EXOC2: variants seen among roughly 807,000 people sequenced by gnomAD.
The protein encoded by EXOC2 is SEC5-like 1.
EXOC2 carries 70 observed loss-of-function variants against 131.8 expected under a neutral mutation model. The ratio of observed to expected loss-of-function variants is 0.53; its 90% CI spans 0.44 to 0.65. The LOEUF (loss-of-function observed/expected upper bound fraction) is 0.65, where lower values mean the gene tolerates loss of function less well. EXOC2 is among the 30% of genes least tolerant of loss of function. EXOC2 has a pLI of 0.00. For missense variants in EXOC2, 923 were observed against 1,108.6 expected, an observed-to-expected ratio of 0.83 and a Z score of 2.38; for synonymous variants, 411 against 398.4, an observed-to-expected ratio of 1.03 and a Z score of -0.38.
chr6:688,744 T>G (rs1764781112), intron 1 of EXOC2, among the ~76,000 whole-genome samples: 1 of 152,164 alleles, frequency 6.6e-6, no homozygotes, highest in Non-Finnish European at 1.5e-5. Flanking sequence ...CCTTGTATAT[T>G]CCCTAATCCC....
rs3799317 is a variant in EXOC2, at chr6:608,219, C to T, written c.742+1879G>A. On this transcript the variant is annotated intron_variant, in intron 7 of 27. Transcript: ENST00000230449. The stretch of plus-strand genomic sequence containing the variant: ...TACTGAAGTCTGATAACTACGAACC[C>T]GCCTGGGCGGGACTCTCTCGGGGCC... 8.5e-5 allele frequency among the ~76,000 whole-genome samples: 13 copies of T among 152,336 alleles called. No homozygotes were observed. In the East Asian group the frequency reaches 2.1e-3, roughly 25 times the overall value.
At chr6:675,424 C>T (rs1197533922) in intron 1 of EXOC2, among the ~76,000 whole-genome samples, 6 of 152,170 alleles carry the variant, frequency 3.9e-5, no homozygotes, top group Admixed American at 6.5e-5. Context: ...AGTGATAGTG[C>T]GCAGACATGC....
chr6:607,840 A>C (rs908729630), intron 7 of EXOC2, among the ~76,000 whole-genome samples: 6 of 152,256 alleles, frequency 3.9e-5, no homozygotes, highest in Admixed American at 6.5e-5. Context: ...ATATCATGAA[A>C]ACAAAAAACA....
At chr6:495,985 T>C (rs577865790) in intron 25 of EXOC2, among the ~76,000 whole-genome samples, 7 of 152,362 alleles carry the variant, frequency 4.6e-5, no homozygotes, top group Non-Finnish European at 8.8e-5. Context: ...AATCTATTAT[T>C]ATCATCTAGT....
chr6:549,565 A>C (rs1463641408), intron 21 of EXOC2, among the ~76,000 whole-genome samples: 3 of 152,260 alleles, frequency 2.0e-5, no homozygotes, highest in Non-Finnish European at 4.4e-5. Context: ...CAGATTGAGA[A>C]AATTCCATTA....
rs1277622864 is a variant in EXOC2, at chr6:486,660, G to A, written c.*11C>T. 1.2e-6 allele frequency: 2 copies of A among 1,611,092 alleles called. No individual in the cohort carries two copies. The highest frequency in any genetic ancestry group is 3.3e-5 in the Admixed American group (2 of 59,990). The stretch of plus-strand genomic sequence containing the variant: ...TGTTATTTTCCTGGACTTCTTTTAT[G>A]TGGCAGATATTTATGTTTTCATCAT... On this transcript the variant is annotated 3_prime_UTR_variant, in exon 28 of 28. Transcript: ENST00000230449.
chr6:618,205 T>C (rs545483550), intron 5 of EXOC2, among the ~76,000 whole-genome samples: 14 of 152,310 alleles, frequency 9.2e-5, no homozygotes, highest in Admixed American at 3.3e-4. Flanking sequence ...GATCATCCAG[T>C]GATAGACAAC....
chr6:543,069 A>C (rs983399652), intron 22 of EXOC2, among the ~76,000 whole-genome samples: 4 of 152,208 alleles, frequency 2.6e-5, no homozygotes, highest in Non-Finnish European at 5.9e-5. Flanking sequence ...GGTTCCTACA[A>C]CACCACGGCT....
At chr6:571,601 A>G (rs1464306175) in intron 13 of EXOC2, among the ~76,000 whole-genome samples, 1 of 152,232 alleles carries the variant, frequency 6.6e-6, no homozygotes, top group Admixed American at 6.5e-5. Flanking sequence ...GGAGAGGTTT[A>G]AACCACAAAG....
At position 669,632 on chromosome 6, in the gene EXOC2, T is replaced by C. The variant is rs561199495; in HGVS notation, c.-44+23387A>G. The C allele has an allele frequency of 2.0e-5, 3 of 152,384 alleles. No homozygotes were observed. The South Asian group carries it at 6.2e-4, about 32-fold the overall frequency. The allele number at this position is 152,384 out of a possible 1,614,324, so 9.4% of individuals were successfully genotyped here. On this transcript the variant is annotated intron_variant, in intron 1 of 27. Coordinates refer to ENST00000230449, the MANE Select transcript of EXOC2 (RefSeq NM_018303.6). ...GAAAATGTGGGAAGAGCAGGCTCGC[T>C]GCTTTGGGCTGGCAGAGACCCTAGG...
At chr6:589,258 C>T (rs1759392548) in intron 11 of EXOC2, among the ~76,000 whole-genome samples, 1 of 151,822 alleles carries the variant, frequency 6.6e-6, no homozygotes. Context: ...ATCTAGAGAA[C>T]TGACCGTCGA....
At chr6:564,958 A>G in intron 13 of EXOC2, 29 bp from the exon 14 acceptor site, 3 of 1,527,646 alleles carry the variant, frequency 2.0e-6, no homozygotes, top group Non-Finnish European at 2.7e-6. Context: ...AAAATAAAAC[A>G]TATTAGAAAT....
chr6:586,102 A>T (rs796521513), intron 11 of EXOC2, among the ~76,000 whole-genome samples: 8 of 152,370 alleles, frequency 5.3e-5, no homozygotes, highest in African/African-American at 1.7e-4. Context: ...TTCTTACGGT[A>T]GTAATTGTGT....
chr6:561,527 G>A (rs13216590), intron 17 of EXOC2, among the ~76,000 whole-genome samples: 9,595 of 152,300 alleles, frequency 0.063, 390 homozygotes, highest in Middle Eastern at 0.099. Context: ...GGCAAGTCAA[G>A]ACCATTTCAT....
chr6:677,212 T>TTCAGCATTACGGAAAGGACAGGTTCCTCG lies in EXOC2; in HGVS notation c.-44+15806_-44+15807insCGAGGAACCTGTCCTTTCCGTAATGCTGA, dbSNP rs1764184720. Among the ~76,000 whole-genome samples, 88 of 82,268 alleles carry TTCAGCATTACGGAAAGGACAGGTTCCTCG rather than the reference T, an allele frequency of 1.1e-3. 1 individual carries two copies. Among genetic ancestry groups the TTCAGCATTACGGAAAGGACAGGTTCCTCG allele is most frequent in the Non-Finnish European group, 1.3e-3 (46 of 36,516 alleles). 54.0% of individuals were successfully genotyped at this position (82,268 alleles called of 152,430 possible). On this transcript the variant is annotated intron_variant, in intron 1 of 27. Transcript: ENST00000230449. ...GCATTACGGAAAGGACAGGTTCCTCTGGAGACTCTGCGGTTCCCCATACTC... is the reference window on the plus strand; with the variant it reads ...GCATTACGGAAAGGACAGGTTCCTCTTCAGCATTACGGAAAGGACAGGTTCCTCGGGAGACTCTGCGGTTCCCCATACTC...
At chr6:590,946 G>C (rs1759507308) in intron 11 of EXOC2, among the ~76,000 whole-genome samples, 1 of 152,144 alleles carries the variant, frequency 6.6e-6, no homozygotes, top group African/African-American at 2.4e-5. Context: ...TCCAAACAAA[G>C]AGGCGGAATC....
chr6:504,241 T>A (rs1764396116), intron 23 of EXOC2, among the ~76,000 whole-genome samples: 1 of 152,232 alleles, frequency 6.6e-6, no homozygotes, highest in Non-Finnish European at 1.5e-5. Flanking sequence ...AGGGCTCGCC[T>A]GCGGCCTCGC....
At chr6:572,669 T>G (rs1332565469) in intron 12 of EXOC2, 25 bp from the exon 13 acceptor site, 1 of 1,606,658 alleles carries the variant, frequency 6.2e-7, no homozygotes, top group Non-Finnish European at 8.5e-7. Context: ...AATAAAATAC[T>G]ATGATTGTAC....
chr6:498,084 C>T (rs1007191901), intron 24 of EXOC2, among the ~76,000 whole-genome samples: 11 of 152,228 alleles, frequency 7.2e-5, no homozygotes, highest in African/African-American at 1.4e-4. Context: ...TCTGACTCTG[C>T]TGACTCATAA....
Sources: allele counts gnomAD v4.1 joint callset (sites outside exome capture counted in the v4.1 genomes callset), GRCh38; gene constraint gnomAD v4.1.1; transcripts MANE v1.5; gene names NCBI Gene and HGNC (gene_info 2026-07-23, HGNC 2026-07-21).